Variants in XKR4 observed in about 807,000 individuals in gnomAD.
XKR4 encodes XK-related protein 4.
In XKR4, 12 loss-of-function variants were observed where a neutral mutation model predicts 53.9. That is an observed-to-expected ratio of 0.22 (90% CI 0.14 to 0.36). The LOEUF is 0.36. Among genes scored for constraint, XKR4 ranks in the 10% least tolerant of loss-of-function variants. The probability of loss-of-function intolerance (pLI) is 1.00; values close to 1 mark genes in which losing one functional copy is unlikely to be tolerated. For missense variants in XKR4, 799 were observed against 859.5 expected (o/e 0.93, Z 0.88); for synonymous variants, 354 against 362.4 (o/e 0.98, Z 0.26).
At position 55,195,352 on chromosome 8, in the gene XKR4, AT is replaced by A. The variant is rs1817491756; in HGVS notation, c.806+92062del. On this transcript the variant is annotated intron_variant, in intron 1 of 2. Coordinates refer to ENST00000327381, the MANE Select transcript of XKR4 (RefSeq NM_052898.2). ...CTATGATCATCTCTTTTACATTTTC[AT>A]TTTAGTTTGTATACATACCTTTTAT... Among the ~76,000 whole-genome samples, 4 of 141,524 alleles carry A rather than the reference AT, an allele frequency of 2.8e-5. 2 individuals are homozygous for A. Among genetic ancestry groups the A allele is most frequent in the African/African-American group, 1.0e-4 (4 of 39,372 alleles). 92.8% of individuals were successfully genotyped at this position (141,524 alleles called of 152,430 possible).
rs71256534 is a variant in XKR4 at position 55,396,399 on chromosome 8, G to GTTTTTTTTTTTT, written c.1006+38530_1006+38541dup. On this transcript the variant is annotated intron_variant, in intron 2 of 2. Transcript: ENST00000327381. The stretch of plus-strand genomic sequence containing the variant: ...TTTTTTTGTGTTTTTTTTTTGTTTG[G>GTTTTTTTTTTTT]TTTTTTTTTTTTTTTTTTTGCAGAG... 5.5e-3 allele frequency among the ~76,000 whole-genome samples: 487 copies of GTTTTTTTTTTTT among 88,738 alleles called. 62 individuals are homozygous for GTTTTTTTTTTTT. The highest frequency in any genetic ancestry group is 0.022 in the African/African-American group (448 of 20,322). 58.2% of individuals were successfully genotyped at this position (88,738 alleles called of 152,430 possible).
At chr8:55,253,358 C>T (rs1382665859) in intron 1 of XKR4, among the ~76,000 whole-genome samples, 1 of 152,178 alleles carries the variant, frequency 6.6e-6, no homozygotes. Flanking sequence ...GGATTTAATA[C>T]CATTTATCTA....
intron 2 of XKR4, among the ~76,000 whole-genome samples, chr8:55,487,641 G>C (rs1215632084): frequency 6.6e-6 from 1 of 151,932 alleles, no homozygotes; most frequent in Non-Finnish European, 1.5e-5. Flanking sequence ...TAACTTTTTT[G>C]TATTTTTAGT....
At chr8:55,386,232 T>G (rs1036372153) in intron 2 of XKR4, among the ~76,000 whole-genome samples, 1 of 152,172 alleles carries the variant, frequency 6.6e-6, no homozygotes, top group Non-Finnish European at 1.5e-5. Flanking sequence ...GAGTCTTGCA[T>G]CACCACCTCG....
intron 2 of XKR4, among the ~76,000 whole-genome samples, chr8:55,448,645 G>A (rs1244758601): frequency 6.6e-6 from 1 of 152,070 alleles, no homozygotes; most frequent in African/African-American, 2.4e-5. Context: ...ATAATCCTTG[G>A]TTTTCTGGTT....
intron 2 of XKR4, among the ~76,000 whole-genome samples, chr8:55,522,789 C>T (rs1806815036): frequency 6.6e-6 from 1 of 152,306 alleles, no homozygotes; most frequent in Admixed American, 6.5e-5. Flanking sequence ...AGTCCATTTA[C>T]ACCAAATACA....
rs538414214 is a variant in XKR4, at chr8:55,454,406, A to G, written c.1007-68875A>G. The G allele has an allele frequency of 1.3e-3, 1,787 of 1,361,880 alleles. 11 individuals are homozygous for G. Among genetic ancestry groups the G allele is most frequent in the South Asian group, 4.4e-3 (368 of 82,728 alleles). The allele number at this position is 1,361,880 out of a possible 1,614,324, so 84.4% of individuals were successfully genotyped here. On this transcript the variant is annotated intron_variant, in intron 2 of 2. Coordinates refer to ENST00000327381, the MANE Select transcript of XKR4 (RefSeq NM_052898.2). The stretch of plus-strand genomic sequence containing the variant: ...GTATCTGAGAGGAAACAGCAATGCC[A>G]GGAGGCTCCTGCAGGCATCGGTGAG...
At position 55,534,958 on chromosome 8, in the gene XKR4, G is replaced by T. The variant is rs1220999332; in HGVS notation, c.*10731G>T. ...TGAAAGAGTGGAAGTCATCAGATTTGTCAATAAGCAGTCTAGAGGAAAAAT... is the reference window on the plus strand; with the variant it reads ...TGAAAGAGTGGAAGTCATCAGATTTTTCAATAAGCAGTCTAGAGGAAAAAT... On this transcript the variant is annotated 3_prime_UTR_variant, in exon 3 of 3. Coordinates refer to ENST00000327381, the MANE Select transcript of XKR4 (RefSeq NM_052898.2). The T allele has an allele frequency of 6.6e-6, 1 of 151,984 alleles. No homozygotes were observed. Among genetic ancestry groups the T allele is most frequent in the African/African-American group, 2.4e-5 (1 of 41,370 alleles). The allele number at this position is 151,984 out of a possible 1,614,324, so 9.4% of individuals were successfully genotyped here.
chr8:55,352,816 T>C (rs1261887132), intron 1 of XKR4, among the ~76,000 whole-genome samples: 4 of 152,102 alleles, frequency 2.6e-5, no homozygotes, highest in African/African-American at 4.8e-5. Flanking sequence ...AATCTGACTT[T>C]AGTAAAGGGA....
intron 2 of XKR4, among the ~76,000 whole-genome samples, chr8:55,374,891 T>G (rs1239411285): frequency 6.6e-6 from 1 of 152,202 alleles, no homozygotes; most frequent in East Asian, 1.9e-4. Flanking sequence ...GCACACGTTT[T>G]AGGACAGAGA....
intron 2 of XKR4, among the ~76,000 whole-genome samples, chr8:55,434,343 T>C (rs937037285): frequency 6.6e-6 from 1 of 152,182 alleles, no homozygotes; most frequent in African/African-American, 2.4e-5. Flanking sequence ...ACATTGAAAA[T>C]ATTTTATGTA....
At chr8:55,156,213 G>A (rs141980209) in intron 1 of XKR4, among the ~76,000 whole-genome samples, 6 of 152,090 alleles carry the variant, frequency 3.9e-5, no homozygotes, top group Non-Finnish European at 5.9e-5. Flanking sequence ...GTATTTGGTG[G>A]GGGGCGGGGA....
At chr8:55,455,457 C>A (rs986205745) in intron 2 of XKR4, among the ~76,000 whole-genome samples, 1 of 152,106 alleles carries the variant, frequency 6.6e-6, no homozygotes, top group Non-Finnish European at 1.5e-5. Context: ...AAGTTCAACA[C>A]GGAATTCATA....
At chr8:55,393,455 GAAGA>G (rs1434274866) in intron 2 of XKR4, among the ~76,000 whole-genome samples, 13 of 100,236 alleles carry the variant, frequency 1.3e-4, no homozygotes, top group Admixed American at 1.0e-3. Flanking sequence ...AGGAAGGAAG[GAAGA>G]AAGGAAGGAA....
In XKR4 at chr8:55,541,430, T is replaced by A. The variant is rs927783256; in HGVS notation, c.*17203T>A. ...TTTAAATCTATCTCTGAAAAAAAAA[T>A]GGAACAGGTGGCAGGTGAACAGCAA... On this transcript the variant is annotated 3_prime_UTR_variant, in exon 3 of 3. Transcript: ENST00000327381. 1 of 151,870 alleles carries A rather than the reference T, an allele frequency of 6.6e-6. No individual in the cohort carries two copies. Among genetic ancestry groups the A allele is most frequent in the Non-Finnish European group, 1.5e-5 (1 of 67,970 alleles). The allele number at this position is 151,870 out of a possible 1,614,324, so 9.4% of individuals were successfully genotyped here.
At chr8:55,477,270 A>G (rs1290318117) in intron 2 of XKR4, among the ~76,000 whole-genome samples, 1 of 152,132 alleles carries the variant, frequency 6.6e-6, no homozygotes, top group African/African-American at 2.4e-5. Flanking sequence ...TTCTGCAGCC[A>G]CCACTGCTGA....
chr8:55,500,703 T>C (rs1387844038), intron 2 of XKR4, among the ~76,000 whole-genome samples: 1 of 152,180 alleles, frequency 6.6e-6, no homozygotes, highest in Non-Finnish European at 1.5e-5. Flanking sequence ...TGCTGAACCT[T>C]CTGGTGTCTG....
chr8:55,142,507 A>G (rs1816720625), intron 1 of XKR4: 1 of 162,600 alleles, frequency 6.2e-6, no homozygotes, highest in South Asian at 1.7e-4. Flanking sequence ...AGAGATTTCT[A>G]TATTTTAAAA....
intron 2 of XKR4, among the ~76,000 whole-genome samples, chr8:55,396,401 T>TTTTTTTTTG: frequency 1.4e-5 from 1 of 72,694 alleles, no homozygotes; most frequent in African/African-American, 3.5e-5. Context: ...TTTGTTTGGT[T>TTTTTTTTTG]TTTTTTTTTT....
Sources: allele counts gnomAD v4.1 joint callset (sites outside exome capture counted in the v4.1 genomes callset), GRCh38; gene constraint gnomAD v4.1.1; transcripts MANE v1.5; gene names NCBI Gene and HGNC (gene_info 2026-07-23, HGNC 2026-07-21).